The following CIROP variants were observed in gnomAD, a reference collection of about 807,000 sequenced individuals.
CIROP encodes the protein leishmanolysin homolog.
the CIROP span, chr14:23,102,431 C>A: frequency 7.1e-6 from 5 of 702,880 alleles, no homozygotes; most frequent in Non-Finnish European, 1.0e-5. Flanking sequence ...TGGTGAGAAG[C>A]AGTTGTCCCC....
the CIROP span, chr14:23,103,360 G>C: frequency 2.6e-6 from 1 of 380,558 alleles, no homozygotes; most frequent in Non-Finnish European, 4.7e-6. Context: ...ACACAGCCTG[G>C]GCAACATGAC....
the CIROP span, chr14:23,102,578 A>G: frequency 1.4e-6 from 1 of 702,510 alleles, no homozygotes; most frequent in Non-Finnish European, 2.6e-6. Context: ...GAGATAGTGA[A>G]TTTCCTCTGG....
At chr14:23,104,766 G>A in the CIROP span, 1 of 703,048 alleles carries the variant, frequency 1.4e-6, no homozygotes, top group East Asian at 2.7e-5. Context: ...GCTAGGGAGG[G>A]TGAGGGAGGA....
chr14:23,104,552 C>A, the CIROP span: 1 of 700,678 alleles, frequency 1.4e-6, no homozygotes, highest in South Asian at 1.5e-5. Context: ...CTCCCCTGGA[C>A]CTCTCTGCTC....
At chr14:23,101,541 G>C in the CIROP span, 1 of 657,716 alleles carries the variant, frequency 1.5e-6, no homozygotes, top group South Asian at 1.7e-5. Context: ...CAGGGAATCC[G>C]TTTTCCTTCT....
At chr14:23,099,762 A>G in the CIROP span, 1 of 258,438 alleles carries the variant, frequency 3.9e-6, no homozygotes, top group Non-Finnish European at 7.8e-6. Context: ...AGAGCTCATG[A>G]AGCCCCGCCT....
At chr14:23,104,907 A>AGCG in the CIROP span, 5 of 91,086 alleles carry the variant, frequency 5.5e-5, no homozygotes, top group South Asian at 4.9e-4. Context: ...CAGCAGCAGC[A>AGCG]GCAGCAGCAG....
chr14:23,099,711 C>T, the CIROP span: 72 of 328,538 alleles, frequency 2.2e-4, no homozygotes, highest in Middle Eastern at 1.7e-3. Context: ...AGGCGCACGC[C>T]GCACCACCAC....
chr14:23,101,153 T>C, the CIROP span: 3 of 404,590 alleles, frequency 7.4e-6, no homozygotes, highest in Non-Finnish European at 1.3e-5. Flanking sequence ...AAATGTATAT[T>C]CTAGATCAGA....
the CIROP span, chr14:23,099,614 C>CAG: frequency 8.0e-6 from 3 of 377,208 alleles, no homozygotes; most frequent in South Asian, 4.6e-4. Context: ...GGCTGGAGTG[C>CAG]AGTGGTGTGA....
chr14:23,102,735 G>A, the CIROP span: 4 of 703,046 alleles, frequency 5.7e-6, no homozygotes, highest in Admixed American at 2.0e-5. Flanking sequence ...TGACAGCCCA[G>A]TAAGGGGGCC....
the CIROP span, chr14:23,102,349 C>T: frequency 1.4e-6 from 1 of 702,070 alleles, no homozygotes; most frequent in East Asian, 2.7e-5. Flanking sequence ...CTCACCTCTT[C>T]TTCCAAGGGA....
At chr14:23,102,182 G>A in the CIROP span, 7 of 702,834 alleles carry the variant, frequency 1.0e-5, no homozygotes, top group East Asian at 2.7e-5. Context: ...GGGTCGAGTC[G>A]AGTGCGCTGG....
the CIROP span, chr14:23,104,575 T>G: frequency 1.4e-6 from 1 of 699,516 alleles, no homozygotes; most frequent in Admixed American, 2.0e-5. Flanking sequence ...CAACCCTCCC[T>G]GACACCTCTG....
chr14:23,102,866 T>C, the CIROP span: 1 of 622,058 alleles, frequency 1.6e-6, no homozygotes, highest in South Asian at 1.9e-5. Context: ...GGAAACTGAG[T>C]AACCTGGCCC....
At chr14:23,103,831 G>A in the CIROP span, 3 of 693,314 alleles carry the variant, frequency 4.3e-6, no homozygotes, top group Admixed American at 2.0e-5. Flanking sequence ...GGCAGGGAGT[G>A]AAATGTTGCA....
chr14:23,100,294 T>G, the CIROP span: 1 of 396,182 alleles, frequency 2.5e-6, no homozygotes, highest in African/African-American at 2.1e-5. Context: ...GGGACTAAGA[T>G]CCCTATGTCC....
chr14:23,104,185 C>A, the CIROP span: 1 of 604,834 alleles, frequency 1.7e-6, no homozygotes, highest in South Asian at 2.0e-5. Context: ...TATCTCTCTG[C>A]GTATCCCCCC....
At chr14:23,101,651 G>A in the CIROP span, 1 of 702,974 alleles carries the variant, frequency 1.4e-6, no homozygotes, top group Non-Finnish European at 2.6e-6. Context: ...TTCATTGTCT[G>A]CTCTCTTATC....
Sources: gnomAD v4.1 joint callset for allele counts on GRCh38, gnomAD v4.1.1 for gene constraint, MANE v1.5 for transcripts, NCBI Gene and HGNC (gene_info 2026-07-23, HGNC 2026-07-21) for gene names.